Variants in PTPN9 observed in about 807,000 individuals in gnomAD.
PTPN9 encodes the protein tyrosine-protein phosphatase non-receptor type 9.
In PTPN9, 26 loss-of-function variants were observed where a neutral mutation model predicts 69.8. The ratio of observed to expected loss-of-function variants is 0.37; its 90% CI spans 0.27 to 0.52. The LOEUF (loss-of-function observed/expected upper bound fraction) is 0.52, where lower values mean the gene tolerates loss of function less well. Among genes scored for constraint, PTPN9 ranks in the 20% least tolerant of loss-of-function variants. The pLI, the probability that PTPN9 is intolerant of heterozygous loss-of-function variation, is 0.91. For synonymous variants in PTPN9, 274 were observed against 272.5 expected, an observed-to-expected ratio of 1.01 and a Z score of -0.05; for missense variants, 549 against 740.3, an observed-to-expected ratio of 0.74 and a Z score of 3.00.
At chr15:75,560,298 AAAGT>A (rs777260253) in intron 1 of PTPN9, among the ~76,000 whole-genome samples, 7 of 152,140 alleles carry the variant, frequency 4.6e-5, no homozygotes, top group Non-Finnish European at 8.8e-5. Flanking sequence ...TTTGAAAACA[AAAGT>A]ATGTGGAAAA....
At chr15:75,509,217 T>C (rs2141313101) in intron 5 of PTPN9, among the ~76,000 whole-genome samples, 190 bp from the exon 6 acceptor site, 1 of 152,318 alleles carries the variant, frequency 6.6e-6, no homozygotes, top group South Asian at 2.1e-4. Context: ...GATTTACCTT[T>C]AAAAATAACA....
chr15:75,555,912 A>T (rs2075074874), intron 1 of PTPN9, among the ~76,000 whole-genome samples: 1 of 151,620 alleles, frequency 6.6e-6, no homozygotes, highest in South Asian at 2.1e-4. Context: ...TACACCTATA[A>T]TCCTAGCACT....
intron 7 of PTPN9, among the ~76,000 whole-genome samples, chr15:75,500,233 A>T (rs2074765080): frequency 6.6e-6 from 1 of 152,066 alleles, no homozygotes; most frequent in Admixed American, 6.6e-5. Context: ...GAATTGCTTG[A>T]GCCGGGAGAT....
chr15:75,486,357 C>T (rs1035459212), intron 8 of PTPN9, among the ~76,000 whole-genome samples: 7 of 152,060 alleles, frequency 4.6e-5, no homozygotes, highest in African/African-American at 1.7e-4. Flanking sequence ...GATTAGTGCC[C>T]TTATAAGACA....
chr15:75,515,327 T>C (rs1225477330), intron 5 of PTPN9, among the ~76,000 whole-genome samples: 1 of 146,110 alleles, frequency 6.8e-6, no homozygotes, highest in African/African-American at 2.6e-5. Flanking sequence ...CTCTGGAGGC[T>C]GAGGCAGGAG....
chr15:75,523,961 G>T (rs191403624), intron 3 of PTPN9, among the ~76,000 whole-genome samples: 6 of 151,892 alleles, frequency 4.0e-5, no homozygotes, highest in Non-Finnish European at 5.9e-5. Flanking sequence ...GTCCAAACAG[G>T]GGGGGATGGA....
At chr15:75,488,598 G>A (rs962457424) in intron 8 of PTPN9, among the ~76,000 whole-genome samples, 5 of 151,144 alleles carry the variant, frequency 3.3e-5, no homozygotes, top group Non-Finnish European at 5.9e-5. Flanking sequence ...GAAGAACTTA[G>A]GCAACACAGC....
intron 1 of PTPN9, among the ~76,000 whole-genome samples, chr15:75,544,414 G>A (rs940817133): frequency 3.3e-5 from 5 of 152,128 alleles, no homozygotes; most frequent in African/African-American, 1.2e-4. Flanking sequence ...GTACTGCTGT[G>A]GTCCTAGCAG....
intron 8 of PTPN9, among the ~76,000 whole-genome samples, chr15:75,484,246 G>A (rs1036113577): frequency 3.3e-5 from 5 of 152,152 alleles, no homozygotes; most frequent in Admixed American, 2.6e-4. Context: ...CAAGAAAAGG[G>A]TCCATCAAGA....
intron 1 of PTPN9, among the ~76,000 whole-genome samples, chr15:75,529,171 G>A (rs2074944051): frequency 1.3e-5 from 2 of 151,976 alleles, no homozygotes; most frequent in African/African-American, 4.8e-5. Context: ...ATTTTTAGTA[G>A]AGGCAAGGTT....
chr15:75,475,833 GATTA>G (rs2074592928), intron 9 of PTPN9, among the ~76,000 whole-genome samples: 1 of 152,050 alleles, frequency 6.6e-6, no homozygotes, highest in Non-Finnish European at 1.5e-5. Context: ...AATAAGAGAG[GATTA>G]ATTAAATTAT....
chr15:75,487,037 G>A (rs539264728), intron 8 of PTPN9, among the ~76,000 whole-genome samples: 19 of 152,042 alleles, frequency 1.2e-4, no homozygotes, highest in Non-Finnish European at 2.4e-4. Flanking sequence ...TGCCCGCCTC[G>A]GCCTCCCAAA....
At position 75,505,594 on chromosome 15, in the gene PTPN9, T is replaced by C; in HGVS notation, c.968+81A>G. 2.9e-6 allele frequency: 3 copies of C among 1,029,852 alleles called. No homozygotes were observed. In the South Asian group the frequency reaches 4.4e-5, roughly 15 times the overall value. 63.8% of individuals were successfully genotyped at this position (1,029,852 alleles called of 1,614,324 possible). A position where few individuals can be genotyped will look rare whatever the true frequency, so the allele number is the denominator to read the frequency against. ...TAAGGAAGGGTCTCTGCTAAGCAAG[T>C]GAGGGGTGGAAGGAGCTGTTGCCAG... is the stretch of plus-strand genomic sequence containing the variant. On this transcript the variant is annotated intron_variant, in intron 7 of 12. Coordinates refer to ENST00000618819, the MANE Select transcript of PTPN9 (RefSeq NM_002833.4).
chr15:75,473,551 A>G, intron 10 of PTPN9, 138 bp downstream of exon 10: 1 of 710,178 alleles, frequency 1.4e-6, no homozygotes, highest in Non-Finnish European at 2.4e-6. Context: ...TGGCCTCCCT[A>G]AGTGCTGGGA....
At chr15:75,479,972 A>T in intron 8 of PTPN9, 58 bp from the exon 9 acceptor site, 4 of 1,232,500 alleles carry the variant, frequency 3.2e-6, no homozygotes, top group Non-Finnish European at 4.6e-6. Context: ...TTGGGTCATA[A>T]AATGATGTAC....
intron 1 of PTPN9, among the ~76,000 whole-genome samples, chr15:75,545,841 T>C (rs2075030138): frequency 6.6e-6 from 1 of 152,076 alleles, no homozygotes; most frequent in South Asian, 2.1e-4. Flanking sequence ...CCCAGCTACT[T>C]GGGAAGCTGA....
intron 7 of PTPN9, among the ~76,000 whole-genome samples, chr15:75,502,402 C>T (rs780383965): frequency 2.0e-5 from 3 of 151,424 alleles, no homozygotes; most frequent in Non-Finnish European, 4.4e-5. Flanking sequence ...GAGCCGAGAT[C>T]GTGCCATTGC....
At chr15:75,522,360 T>TTTG (rs999757738) in intron 4 of PTPN9, among the ~76,000 whole-genome samples, 2 of 152,178 alleles carry the variant, frequency 1.3e-5, no homozygotes, top group African/African-American at 4.8e-5. Context: ...TGAATGTTTT[T>TTTG]TTGTTGTTGT....
chr15:75,536,683 G>T (rs994497954), intron 1 of PTPN9, among the ~76,000 whole-genome samples: 1 of 152,142 alleles, frequency 6.6e-6, no homozygotes, highest in Non-Finnish European at 1.5e-5. Flanking sequence ...GACTGGGAAG[G>T]CCCTTGTATG....
Sources: gnomAD v4.1 joint callset for allele counts (sites outside exome capture counted in the v4.1 genomes callset) on GRCh38, gnomAD v4.1.1 for gene constraint, MANE v1.5 for transcripts, NCBI Gene and HGNC (gene_info 2026-07-23, HGNC 2026-07-21) for gene names.